Variants in RXYLT1 observed in about 807,000 individuals in gnomAD.
RXYLT1 encodes ribitol-5-phosphate xylosyltransferase 1.
A neutral mutation model predicts 43.5 loss-of-function variants in RXYLT1; 41 were observed. The observed-to-expected ratio is 0.94, with a 90% CI of 0.73 to 1.22. The LOEUF is 1.22. Among genes scored for constraint, RXYLT1 ranks in the 50% most tolerant of loss-of-function variants. The probability of loss-of-function intolerance (pLI) is 0.00; values close to 1 mark genes in which losing one functional copy is unlikely to be tolerated. For synonymous variants in RXYLT1, 166 were observed against 194.4 expected (o/e 0.85, Z 1.21); for missense variants, 514 against 532.0 (o/e 0.97, Z 0.33).
chr12:63,802,274 A>G lies in RXYLT1; in HGVS notation c.612A>G (p.Glu204=), dbSNP rs775142140. 1.2e-6 allele frequency: 2 copies of G among 1,614,112 alleles called. No individual in the cohort carries two copies. The highest frequency in any genetic ancestry group is 3.3e-5 in the Admixed American group (2 of 60,014). Residue 204 remains glutamate, a synonymous_variant, in exon 4 of 6, where the codon GAA becomes GAG. Transcript: ENST00000261234. ...QHLAVVLLGN[E]HCDNEWINPF... is the part of the protein sequence containing the mutation. ...TTGCTGTTGTTTTGCTCGGAAATGAACATTGTGATAATGAGTGGATAAACC... is the reference window on the plus strand; with the variant it reads ...TTGCTGTTGTTTTGCTCGGAAATGAGCATTGTGATAATGAGTGGATAAACC...
Position 63,792,781 on chromosome 12 carries a change from T to A in RXYLT1, c.428+7709T>A, listed in dbSNP as rs184772487. Among the ~76,000 whole-genome samples, 3 of 152,346 alleles carry A rather than the reference T, an allele frequency of 2.0e-5. No individual in the cohort carries two copies. In the East Asian group the frequency reaches 5.8e-4, roughly 29 times the overall value. On this transcript the variant is annotated intron_variant, in intron 3 of 5. Coordinates refer to ENST00000261234, the MANE Select transcript of RXYLT1 (RefSeq NM_014254.3). ...ATGAAAACCTTGATGTTCTGAGAGA[T>A]TAAATGACTAGTAAAGATGGGATTG...
intron 3 of RXYLT1, among the ~76,000 whole-genome samples, chr12:63,789,721 GA>G (rs1897882389): frequency 1.3e-5 from 2 of 152,292 alleles, no homozygotes; most frequent in South Asian, 4.2e-4. Context: ...CATTGTATGA[GA>G]TTTTTTTTAA....
At chr12:63,794,045 GTATAA>G in intron 3 of RXYLT1, among the ~76,000 whole-genome samples, 1 of 152,196 alleles carries the variant, frequency 6.6e-6, no homozygotes, top group African/African-American at 2.4e-5. Context: ...GGAGGGTTAT[GTATAA>G]TATAAGAGAA....
intron 3 of RXYLT1, among the ~76,000 whole-genome samples, chr12:63,789,932 G>T (rs1269845945): frequency 6.6e-6 from 1 of 152,188 alleles, no homozygotes; most frequent in Non-Finnish European, 1.5e-5. Context: ...GGAAGAATTT[G>T]TAAGTACTGT....
At chr12:63,783,185 G>A (rs1217382163) in intron 2 of RXYLT1, among the ~76,000 whole-genome samples, 1 of 152,132 alleles carries the variant, frequency 6.6e-6, no homozygotes, top group African/African-American at 2.4e-5. Context: ...CATATTCTAG[G>A]CATGGCGTCT....
chr12:63,780,093 A>G lies in RXYLT1; in HGVS notation c.133A>G (p.Lys45Glu), dbSNP rs1488272058. The change falls in exon 1 of 6, where the codon AAG (lysine) becomes GAG (glutamate). Residue 45 changes from lysine (K) to glutamate (E), a missense_variant. Lys to Glu is a moderately conservative substitution (Grantham distance 56). Transcript: ENST00000261234. ...APAGSPRGLR[K>E]GAAPARERRG... ...GGCCGGGTCCCCGCGGGGCCTCAGG[A>G]AGGGGGCGGCCCCCGCGCGGGAGAG... 1 of 1,568,612 alleles carries G rather than the reference A, an allele frequency of 6.4e-7. No homozygotes were observed. The highest frequency in any genetic ancestry group is 1.1e-5 in the South Asian group (1 of 87,894).
chr12:63,791,986 C>G (rs1897928014), intron 3 of RXYLT1, among the ~76,000 whole-genome samples: 1 of 152,232 alleles, frequency 6.6e-6, no homozygotes, highest in South Asian at 2.1e-4. Flanking sequence ...GAGGCAGGTA[C>G]TGTGCTTACC....
intron 3 of RXYLT1, among the ~76,000 whole-genome samples, chr12:63,796,858 C>T (rs568607585): frequency 2.0e-5 from 3 of 151,650 alleles, no homozygotes; most frequent in South Asian, 4.2e-4. Flanking sequence ...AAAAAGCCTA[C>T]TGCAATAGTC....
chr12:63,780,364 G>A (rs926062528), intron 1 of RXYLT1: 3 of 1,290,256 alleles, frequency 2.3e-6, no homozygotes, highest in Non-Finnish European at 2.9e-6. Flanking sequence ...GGGGTGACAG[G>A]CGCGCACGCC....
At chr12:63,788,752 C>T (rs182422735) in intron 3 of RXYLT1, among the ~76,000 whole-genome samples, 2 of 152,306 alleles carry the variant, frequency 1.3e-5, no homozygotes, top group Admixed American at 1.3e-4. Flanking sequence ...ACTATTTCAC[C>T]TTCACATCAT....
In RXYLT1 at chr12:63,809,028, C is replaced by G; in HGVS notation, c.1268C>G (p.Thr423Arg). The G allele has an allele frequency of 1.9e-6, 3 of 1,588,712 alleles. No individual in the cohort carries two copies. In the South Asian group the frequency reaches 3.5e-5, roughly 18 times the overall value. The change falls in exon 6 of 6, where the codon ACA (threonine) becomes AGA (arginine). Residue 423 changes from threonine to arginine, a missense_variant. Thr to Arg is a moderately conservative substitution (Grantham distance 71). Coordinates refer to ENST00000261234, the MANE Select transcript of RXYLT1 (RefSeq NM_014254.3). ...MLLQWYQHFK[T>R]ELKMKFTNIL... Reference sequence around the variant, plus strand: ...CTTCAGTGGTATCAGCACTTCAAGACAGAGCTTAAAATGAAATTTACTAAT... The same window carrying G: ...CTTCAGTGGTATCAGCACTTCAAGAGAGAGCTTAAAATGAAATTTACTAAT...
rs1162300592 is a variant in RXYLT1, at chr12:63,808,898, G to C, written c.1138G>C (p.Gly380Arg). The change falls in exon 6 of 6, where the codon GGT becomes CGT. Residue 380 changes from glycine (G) to arginine (R), a missense_variant. Gly to Arg is a moderately radical substitution (Grantham distance 125, BLOSUM62 -2). Transcript: ENST00000261234. ...TCCTCTGCAGTTACTCAAGTCCATG[G>C]GTGCTCCCTTTATCTTTATCAAGAA... is the stretch of plus-strand genomic sequence containing the variant. ...GAPLQLLKSM[G>R]APFIFIKNWK... The C allele has an allele frequency of 1.9e-6, 3 of 1,614,038 alleles. No individual in the cohort carries two copies. In the South Asian group the frequency reaches 3.3e-5, roughly 18 times the overall value.
Position 63,798,197 on chromosome 12 carries a change from A to G in RXYLT1, c.429-3894A>G, listed in dbSNP as rs557446537. On this transcript the variant is annotated intron_variant, in intron 3 of 5. Transcript: ENST00000261234. ...TCTGTCTGGTCCCTCACCCATCCTT[A>G]TCTCTTTCCAAGCTCTCAAACATTG... Among the ~76,000 whole-genome samples, 326 of 152,140 alleles carry G rather than the reference A, an allele frequency of 2.1e-3. 1 individual carries two copies. The highest frequency in any genetic ancestry group is 7.3e-3 in the African/African-American group (305 of 41,506).
At chr12:63,796,828 A>G (rs548754001) in intron 3 of RXYLT1, among the ~76,000 whole-genome samples, 2 of 152,222 alleles carry the variant, frequency 1.3e-5, no homozygotes, top group Admixed American at 6.5e-5. Context: ...TAAGACTTTA[A>G]TGTTGACCAT....
intron 3 of RXYLT1, among the ~76,000 whole-genome samples, chr12:63,801,232 G>A (rs1469913460): frequency 1.3e-5 from 2 of 148,956 alleles, no homozygotes; most frequent in African/African-American, 4.9e-5. Context: ...TATATTTTGT[G>A]AGTGTCCTAA....
At position 63,802,091 on chromosome 12, in the gene RXYLT1, C is replaced by T; in HGVS notation, c.429C>T (p.Ser143=). 1 of 1,580,846 alleles carries T rather than the reference C, an allele frequency of 6.3e-7. No homozygotes were observed. Among genetic ancestry groups the T allele is most frequent in the Non-Finnish European group, 8.6e-7 (1 of 1,163,240 alleles). ...GKSIVGRTQY[S]FITGPAVIPG... is the part of the protein sequence containing the mutation. ...GTTTTTGTTGTGTTGTTTTTAACAG[C>T]TTCATCACTGGTCCAGCTGTAATAC... is the stretch of plus-strand genomic sequence containing the variant. The change falls in exon 4 of 6, where the codon AGC becomes AGT. Residue 143 remains serine (S), a splice_region_variant and synonymous_variant. Transcript: ENST00000261234.
intron 1 of RXYLT1, 105 bp from the exon 2 acceptor site, chr12:63,780,914 T>G (rs150790152): frequency 9.7e-7 from 1 of 1,031,490 alleles, no homozygotes; most frequent in African/African-American, 1.6e-5. Flanking sequence ...CTCTCAGAAA[T>G]TAAAGTTAGG....
rs756575591 is a variant in RXYLT1 at position 63,781,171 on chromosome 12, A to C, written c.322A>C (p.Ile108Leu). 6.4e-7 allele frequency: 1 copy of C among 1,551,206 alleles called. No individual in the cohort carries two copies. Among genetic ancestry groups the C allele is most frequent in the Non-Finnish European group, 8.7e-7 (1 of 1,151,942 alleles). The change falls in exon 2 of 6, where the codon ATT becomes CTT. Residue 108 changes from isoleucine to leucine, a missense_variant. Ile to Leu is a conservative substitution (Grantham distance 5). Coordinates refer to ENST00000261234, the MANE Select transcript of RXYLT1 (RefSeq NM_014254.3). ...LSVQIWGKAA[I>L]GLYLWEHIFE... ...TGTACAAATCTGGGGCAAAGCTGCC[A>C]TTGGTAAGTTAATACGTAGAAGGAA...
At chr12:63,798,892 T>C (rs1898092564) in intron 3 of RXYLT1, among the ~76,000 whole-genome samples, 8 of 152,198 alleles carry the variant, frequency 5.3e-5, no homozygotes, top group Admixed American at 5.2e-4. Context: ...TTTCTTTCAG[T>C]GTCTGTGTAT....
Sources: allele counts gnomAD v4.1 joint callset (sites outside exome capture counted in the v4.1 genomes callset), GRCh38; gene constraint gnomAD v4.1.1; transcripts MANE v1.5; gene names NCBI Gene and HGNC (gene_info 2026-07-23, HGNC 2026-07-21).